Variants in NT5DC3 observed in about 807,000 individuals in gnomAD.
NT5DC3 encodes the protein 5'-nucleotidase domain-containing protein 3.
Under a neutral mutation model 67.8 loss-of-function variants are expected in NT5DC3, and 42 were observed. That is an observed-to-expected ratio of 0.62 (90% CI 0.48 to 0.80). The LOEUF is 0.80. NT5DC3 is among the 30% of genes least tolerant of loss of function. NT5DC3 has a pLI of 0.00. For missense variants in NT5DC3, 570 were observed against 696.4 expected (o/e 0.82, Z 2.04); for synonymous variants, 237 against 255.6 (o/e 0.93, Z 0.69).
At chr12:103,836,199 T>C (rs1381811136) in intron 1 of NT5DC3, among the ~76,000 whole-genome samples, 3 of 152,168 alleles carry the variant, frequency 2.0e-5, no homozygotes, top group Non-Finnish European at 4.4e-5. Context: ...TCCAATCTCA[T>C]GTCCTCACAT....
intron 5 of NT5DC3, 103 bp downstream of exon 5, chr12:103,798,484 C>A: frequency 1.3e-6 from 1 of 765,708 alleles, no homozygotes; most frequent in South Asian, 1.6e-5. Context: ...CACACAATCT[C>A]AAATTTCCCT....
At chr12:103,821,984 T>C (rs1389997326) in intron 1 of NT5DC3, 3 of 152,218 alleles carry the variant, frequency 2.0e-5, no homozygotes, top group African/African-American at 7.2e-5. Context: ...CAATCAGCTA[T>C]GTGAAAAGAA....
intron 1 of NT5DC3, among the ~76,000 whole-genome samples, chr12:103,830,940 T>G (rs1280518010): frequency 6.6e-6 from 1 of 152,222 alleles, no homozygotes; most frequent in East Asian, 1.9e-4. Context: ...TTTTTAAATT[T>G]TGGATTGTAA....
At chr12:103,758,025 C>A in the NT5DC3 span, 2 of 1,209,592 alleles carry the variant, frequency 1.7e-6, no homozygotes, top group Admixed American at 2.3e-5. Flanking sequence ...ACGGCGCAGG[C>A]AGAAGACACA....
the NT5DC3 span, chr12:103,759,419 C>T: frequency 1.6e-5 from 19 of 1,209,450 alleles, no homozygotes; most frequent in African/African-American, 2.8e-4. Context: ...CTGCCCACTA[C>T]AGCATACCAC....
chr12:103,806,397 T>C lies in NT5DC3; in HGVS notation c.469-20A>G, dbSNP rs1886802460. 3 of 1,537,916 alleles carry C rather than the reference T, an allele frequency of 2.0e-6. No homozygotes were observed. Among genetic ancestry groups the C allele is most frequent in the South Asian group, 1.1e-5 (1 of 89,560 alleles). On this transcript the variant is annotated intron_variant, in intron 3 of 13. Coordinates refer to ENST00000392876, the MANE Select transcript of NT5DC3 (RefSeq NM_001031701.3). ...TACTGCCTTTAAAAACATAAACATA[T>C]GCACATGTAAATAATGTATGACTAT...
intron 1 of NT5DC3, among the ~76,000 whole-genome samples, chr12:103,821,632 T>G (rs1441537811): frequency 6.6e-6 from 1 of 152,200 alleles, no homozygotes; most frequent in African/African-American, 2.4e-5. Context: ...TCTGGAGATG[T>G]GAGGGGCCAC....
the NT5DC3 span, chr12:103,762,129 C>A: frequency 1.9e-6 from 2 of 1,077,830 alleles, no homozygotes; most frequent in Non-Finnish European, 1.3e-6. Context: ...GGTATTAGAC[C>A]CTGGCAGTAA....
intron 1 of NT5DC3, among the ~76,000 whole-genome samples, chr12:103,840,416 A>ATCTCATCTCC (rs1888351991): frequency 6.8e-6 from 1 of 146,000 alleles, no homozygotes; most frequent in Non-Finnish European, 1.5e-5. Context: ...ATCTCATCTC[A>ATCTCATCTCC]TCTCATTCCA....
downstream of NT5DC3, among the ~76,000 whole-genome samples, chr12:103,768,248 G>A (rs540283133): frequency 1.0e-3 from 153 of 151,272 alleles, no homozygotes; most frequent in African/African-American, 3.2e-3. Flanking sequence ...CAGCCTGGCC[G>A]ACATGGTGAA....
At chr12:103,779,584 C>T (rs1406774508) in intron 13 of NT5DC3, among the ~76,000 whole-genome samples, 2 of 152,156 alleles carry the variant, frequency 1.3e-5, no homozygotes, top group South Asian at 2.1e-4. Context: ...CACCCACCCA[C>T]GCACACCACC....
chr12:103,785,213 TAC>T, intron 12 of NT5DC3, 120 bp downstream of exon 12: 2 of 900,066 alleles, frequency 2.2e-6, no homozygotes, highest in Non-Finnish European at 1.7e-6. Flanking sequence ...ATCGTTATTC[TAC>T]AGTCTACTGA....
Position 103,841,118 on chromosome 12 carries a change from G to T in NT5DC3, c.39C>A (p.Ala13=). The change falls in exon 1 of 14, where the codon GCC becomes GCA. Residue 13 remains alanine (A), a synonymous_variant. Coordinates refer to ENST00000392876, the MANE Select transcript of NT5DC3 (RefSeq NM_001031701.3). Reference sequence around the variant, plus strand: ...CCGCCGCTGTCGCTGCCCTCGCCCCGGCCCCGCGTGCCACCACCGCCGCCG... The same window carrying T: ...CCGCCGCTGTCGCTGCCCTCGCCCCTGCCCCGCGTGCCACCACCGCCGCCG... ...MAAAAVVARG[A]GARAATAAAL... The T allele has an allele frequency of 9.7e-7, 1 of 1,026,802 alleles. No individual in the cohort carries two copies. Among genetic ancestry groups the T allele is most frequent in the Non-Finnish European group, 1.3e-6 (1 of 782,608 alleles). The allele number at this position is 1,026,802 out of a possible 1,614,324, so 63.6% of individuals were successfully genotyped here. A position where few individuals can be genotyped will look rare whatever the true frequency, so the allele number is the denominator to read the frequency against.
chr12:103,757,302 G>A, the NT5DC3 span, among the ~76,000 whole-genome samples: 1 of 151,922 alleles, frequency 6.6e-6, no homozygotes, highest in Non-Finnish European at 1.5e-5. Context: ...TGCCCAGGCT[G>A]GTCTCAAACT....
the NT5DC3 span, among the ~76,000 whole-genome samples, chr12:103,759,855 G>T: frequency 0.23 from 35,546 of 152,162 alleles, 4,625 homozygotes; most frequent in South Asian, 0.43. Flanking sequence ...AATCTTTTAT[G>T]TGAATCAAGG....
At chr12:103,831,709 A>G (rs1887934426) in intron 1 of NT5DC3, among the ~76,000 whole-genome samples, 1 of 151,732 alleles carries the variant, frequency 6.6e-6, no homozygotes. Flanking sequence ...ATAAAGGCCA[A>G]CAAGTGTTCC....
chr12:103,825,078 C>A (rs1421479409), intron 1 of NT5DC3, among the ~76,000 whole-genome samples: 1 of 152,120 alleles, frequency 6.6e-6, no homozygotes, highest in African/African-American at 2.4e-5. Context: ...TGGGCATGCC[C>A]CCCCGGGAAG....
chr12:103,802,723 G>T (rs11608250), intron 4 of NT5DC3, among the ~76,000 whole-genome samples: 16,771 of 152,164 alleles, frequency 0.11, 1,067 homozygotes, highest in Non-Finnish European at 0.14. Flanking sequence ...AGCTCACTCT[G>T]TCTGTGGACT....
chr12:103,749,872 A>AAAAAAAAG, the NT5DC3 span, among the ~76,000 whole-genome samples: 3 of 131,480 alleles, frequency 2.3e-5, no homozygotes, highest in Non-Finnish European at 3.2e-5. Flanking sequence ...AAAAAAAAAA[A>AAAAAAAAG]GCTGGTAAGA....
Sources: allele counts gnomAD v4.1 joint callset (sites outside exome capture counted in the v4.1 genomes callset), GRCh38; gene constraint gnomAD v4.1.1; transcripts MANE v1.5; gene names NCBI Gene and HGNC (gene_info 2026-07-23, HGNC 2026-07-21).